The following ZFP64 variants were observed in gnomAD, a reference collection of about 807,000 sequenced individuals.
The protein encoded by ZFP64 is ZFP64 zinc finger protein.
ZFP64 carries 14 observed loss-of-function variants against 51.6 expected under a neutral mutation model. That is an observed-to-expected ratio of 0.27 (90% CI 0.18 to 0.42). The LOEUF is 0.42. Ranked by LOEUF, ZFP64 falls within the 10% of genes least tolerant of loss-of-function variation. The probability of loss-of-function intolerance (pLI) is 1.00; values close to 1 mark genes in which losing one functional copy is unlikely to be tolerated. For missense variants in ZFP64, 754 were observed against 906.8 expected (o/e 0.83, Z 2.16); for synonymous variants, 375 against 361.4 (o/e 1.04, Z -0.43).
At chr20:52,111,079 A>G in intron 5 of ZFP64, 1 of 1,086,434 alleles carries the variant, frequency 9.2e-7, no homozygotes, top group Non-Finnish European at 1.4e-6. Flanking sequence ...GAAGCCCAGG[A>G]GAAGGGGAAG....
chr20:52,102,450 A>G (rs2079063216), intron 5 of ZFP64, among the ~76,000 whole-genome samples: 1 of 152,118 alleles, frequency 6.6e-6, no homozygotes, highest in Non-Finnish European at 1.5e-5. Context: ...ACTGGCTCAG[A>G]TGCTCAAGGT....
chr20:52,163,099 G>A (rs574403864), intron 4 of ZFP64, among the ~76,000 whole-genome samples: 3 of 151,974 alleles, frequency 2.0e-5, no homozygotes, highest in Non-Finnish European at 2.9e-5. Context: ...GGTAGCCCAC[G>A]CTTGTAATCC....
chr20:52,155,202 T>C (rs1039527161), intron 5 of ZFP64, among the ~76,000 whole-genome samples: 15 of 152,030 alleles, frequency 9.9e-5, no homozygotes, highest in Non-Finnish European at 2.2e-4. Context: ...TAAAGAAGAG[T>C]GTAAAAGATA....
rs1461532734 is a variant in ZFP64 at position 52,085,289 on chromosome 20, C to T, written c.1229-23G>A. The T allele has an allele frequency of 7.6e-6, 12 of 1,583,916 alleles. No homozygotes were observed. Among genetic ancestry groups the T allele is most frequent in the African/African-American group, 4.0e-5 (3 of 74,566 alleles). On this transcript the variant is annotated intron_variant, in intron 8 of 8. Transcript: ENST00000361387. The surrounding 1 kb of genome is among the most constrained non-coding windows in gnomAD (Gnocchi z 4.3). The stretch of plus-strand genomic sequence containing the variant: ...CCCCTAGCAATGGAAGGTGTGTTTC[C>T]ATTAGAACAGGCAGGCAAAACAGAC...
chr20:52,141,489 C>A (rs1169850695), intron 5 of ZFP64, among the ~76,000 whole-genome samples: 1 of 152,026 alleles, frequency 6.6e-6, no homozygotes, highest in African/African-American at 2.4e-5. Context: ...TTGATTCCAA[C>A]CATCATAAAT....
Position 52,186,963 on chromosome 20 carries a change from C to G in ZFP64, c.155G>C (p.Ser52Thr). 2 of 1,614,144 alleles carry G rather than the reference C, an allele frequency of 1.2e-6. No individual in the cohort carries two copies. Among genetic ancestry groups the G allele is most frequent in the Non-Finnish European group, 1.7e-6 (2 of 1,179,994 alleles). ...GGATGTGCCTGTCAGCTGGCAGCCACTTTGCTTGTGAGCTACAAAGGCATC... is the reference window on the plus strand; with the variant it reads ...GGATGTGCCTGTCAGCTGGCAGCCAGTTTGCTTGTGAGCTACAAAGGCATC... Reference protein sequence around the residue: ...NLDAFVAHKQSGCQLTGTSAA... With the variant: ...NLDAFVAHKQTGCQLTGTSAA... Residue 52 changes from serine to threonine, a missense_variant, in exon 2 of 6, where the codon AGT becomes ACT. This residue lies in a region of ZFP64 where 95 missense variants were observed against 97.7 expected (regional missense o/e 0.97). Coordinates refer to ENST00000216923, the MANE Select transcript of ZFP64 (RefSeq NM_018197.3).
At chr20:52,101,154 G>A (rs1329271513) in intron 5 of ZFP64, among the ~76,000 whole-genome samples, 4 of 152,150 alleles carry the variant, frequency 2.6e-5, no homozygotes, top group Non-Finnish European at 5.9e-5. Flanking sequence ...ACAAGGAAAC[G>A]ATGCAGCCCC....
chr20:52,186,293 T>C (rs1350101521), intron 2 of ZFP64, among the ~76,000 whole-genome samples: 1 of 152,184 alleles, frequency 6.6e-6, no homozygotes, highest in Admixed American at 6.5e-5. Flanking sequence ...GGTTTTCTTA[T>C]GCACATTTAA....
chr20:52,111,285 C>G lies in ZFP64; in HGVS notation c.764-12698G>C, dbSNP rs538877375. On this transcript the variant is annotated intron_variant, in intron 5 of 8. Transcript: ENST00000361387. The stretch of plus-strand genomic sequence containing the variant: ...AGGCTGGAGTGCAATGGCGCGATCT[C>G]GGCTCATCGCAACCTCCAGCTCCCG... Among the ~76,000 whole-genome samples, 22 of 148,542 alleles carry G rather than the reference C, an allele frequency of 1.5e-4. No homozygotes were observed. In the South Asian group the frequency reaches 4.7e-3, roughly 32 times the overall value.
exon 9 of ZFP64, chr20:52,084,900 G>T: frequency 9.3e-6 from 15 of 1,613,654 alleles, no homozygotes; most frequent in Non-Finnish European, 1.3e-5. Context: ...GGGCCGCTTC[G>T]TGTCGAAGCT....
At position 52,153,542 on chromosome 20, in the gene ZFP64, A is replaced by G. The variant is rs574760161; in HGVS notation, c.764-114T>C. 7.1e-7 allele frequency: 1 copy of G among 1,417,514 alleles called. No individual in the cohort carries two copies. The highest frequency in any genetic ancestry group is 9.3e-7 in the Non-Finnish European group (1 of 1,077,180). 87.8% of individuals were successfully genotyped at this position (1,417,514 alleles called of 1,614,324 possible). ...CAAGGTGGGTGGGTGCAGACCTCCT[A>G]ACTGCAGCTTCTAGCAGCCCCTGGC... is the stretch of plus-strand genomic sequence containing the variant. On this transcript the variant is annotated intron_variant, in intron 5 of 5. Coordinates refer to ENST00000216923, the MANE Select transcript of ZFP64 (RefSeq NM_018197.3). This position sits in a 1 kb window ranked among gnomAD's most constrained non-coding sequence, Gnocchi z 5.1.
downstream of ZFP64, among the ~76,000 whole-genome samples, chr20:52,148,258 A>C (rs959073030): frequency 3.9e-5 from 6 of 152,316 alleles, no homozygotes; most frequent in African/African-American, 1.4e-4. Flanking sequence ...TTCTTTGGGA[A>C]TCTCAGATCT....
chr20:52,104,423 G>A (rs1453414343), intron 5 of ZFP64, among the ~76,000 whole-genome samples: 1 of 152,148 alleles, frequency 6.6e-6, no homozygotes, highest in Non-Finnish European at 1.5e-5. Flanking sequence ...AGGGGGTGTG[G>A]GGGCCGCCTG....
At position 52,105,178 on chromosome 20, in the gene ZFP64, C is replaced by T. The variant is rs542675938; in HGVS notation, c.764-6591G>A. On this transcript the variant is annotated intron_variant, in intron 5 of 8. Coordinates refer to the ZFP64 transcript ENST00000361387. ...GGGCCACCTCCGCACACTCCCGGCG[C>T]GCAGGCCGCGGCTCCTCGGAGTTGA... The T allele has an allele frequency of 2.2e-4, 320 of 1,437,904 alleles. 2 individuals carry two copies. In the East Asian group the frequency reaches 7.8e-3, roughly 35 times the overall value. The allele number at this position is 1,437,904 out of a possible 1,614,324, so 89.1% of individuals were successfully genotyped here. A position where few individuals can be genotyped will look rare whatever the true frequency, so the allele number is the denominator to read the frequency against.
intron 5 of ZFP64, among the ~76,000 whole-genome samples, chr20:52,103,775 A>G (rs1404787388): frequency 1.3e-5 from 2 of 152,204 alleles, no homozygotes; most frequent in Non-Finnish European, 2.9e-5. Context: ...TCACCTGCCT[A>G]TCTCCATCCC....
chr20:52,115,803 CTG>C (rs796920715), intron 5 of ZFP64, among the ~76,000 whole-genome samples: 30,548 of 147,032 alleles, frequency 0.21, 3,368 homozygotes, highest in Admixed American at 0.28. Context: ...CTCTCTCTCT[CTG>C]TGTGTGTGAA....
intron 5 of ZFP64, among the ~76,000 whole-genome samples, chr20:52,100,403 G>A (rs768651334): frequency 2.6e-5 from 4 of 151,942 alleles, no homozygotes; most frequent in African/African-American, 4.8e-5. Flanking sequence ...GCGCCACCAC[G>A]CCTGCCTAAT....
chr20:52,187,628 A>C (rs1984068448), intron 1 of ZFP64, among the ~76,000 whole-genome samples: 1 of 151,988 alleles, frequency 6.6e-6, no homozygotes, highest in Admixed American at 6.6e-5. Flanking sequence ...GTCTCAAAAA[A>C]AAAATAATTT....
intron 5 of ZFP64, among the ~76,000 whole-genome samples, chr20:52,099,347 T>G (rs978276153): frequency 1.1e-4 from 17 of 151,870 alleles, no homozygotes; most frequent in African/African-American, 4.1e-4. Context: ...AGATGCTTAC[T>G]CTGGATTTCT....
Sources: gnomAD v4.1 joint callset for allele counts (sites outside exome capture counted in the v4.1 genomes callset) on GRCh38, gnomAD v4.1.1 for gene constraint, gnomAD v4.1.1 regional missense constraint, Gnocchi (gnomAD v3.1) non-coding constraint, MANE v1.5 for transcripts, NCBI Gene and HGNC (gene_info 2026-07-23, HGNC 2026-07-21) for gene names.